The following AFAP1L1 variants were observed in gnomAD, a reference collection of about 807,000 sequenced individuals.
The protein encoded by AFAP1L1 is actin filament-associated protein 1-like 1.
AFAP1L1 carries 77 observed loss-of-function variants against 99.8 expected under a neutral mutation model. The ratio of observed to expected loss-of-function variants is 0.77; its 90% CI spans 0.64 to 0.93. AFAP1L1 has a LOEUF of 0.93. Among genes scored for constraint, AFAP1L1 ranks in the 40% least tolerant of loss-of-function variants. AFAP1L1 has a pLI of 0.00. For missense variants in AFAP1L1, 893 were observed against 996.8 expected (o/e 0.90, Z 1.40); for synonymous variants, 373 against 395.3 (o/e 0.94, Z 0.67).
chr5:149,294,556 T>C (rs1259341879), intron 1 of AFAP1L1, among the ~76,000 whole-genome samples: 1 of 152,224 alleles, frequency 6.6e-6, no homozygotes, highest in African/African-American at 2.4e-5. Context: ...GGGTTTTCTC[T>C]GGGATGAGAT....
intron 11 of AFAP1L1, among the ~76,000 whole-genome samples, chr5:149,317,340 TGG>T (rs1561678622): frequency 6.6e-6 from 1 of 152,224 alleles, no homozygotes; most frequent in African/African-American, 2.4e-5. Flanking sequence ...TAAGATTATG[TGG>T]GTGAGACATT....
chr5:149,304,798 C>T (rs1460189970), intron 5 of AFAP1L1, among the ~76,000 whole-genome samples: 1 of 152,182 alleles, frequency 6.6e-6, no homozygotes, highest in Non-Finnish European at 1.5e-5. Context: ...AGGCGGGCTC[C>T]GAGCCTCACT....
intron 14 of AFAP1L1, among the ~76,000 whole-genome samples, chr5:149,321,033 A>C (rs1219925916): frequency 6.6e-6 from 1 of 152,246 alleles, no homozygotes; most frequent in African/African-American, 2.4e-5. Flanking sequence ...GGAGAGCCAC[A>C]TTCCAATCAG....
intron 9 of AFAP1L1, among the ~76,000 whole-genome samples, chr5:149,314,320 T>C (rs1481094706): frequency 6.6e-6 from 1 of 152,168 alleles, no homozygotes; most frequent in Non-Finnish European, 1.5e-5. Context: ...CAGCACATGC[T>C]GAGGTGCAGT....
intron 1 of AFAP1L1, among the ~76,000 whole-genome samples, chr5:149,298,464 A>G (rs571808086): frequency 1.3e-5 from 2 of 152,338 alleles, no homozygotes; most frequent in Non-Finnish European, 1.5e-5. Context: ...TGGAGAAGGT[A>G]TTTAACCTCC....
Position 149,307,402 on chromosome 5 carries a change from A to G in AFAP1L1, c.536A>G (p.Tyr179Cys). 1.9e-6 allele frequency: 3 copies of G among 1,614,128 alleles called. No homozygotes were observed. Among genetic ancestry groups the G allele is most frequent in the Non-Finnish European group, 2.5e-6 (3 of 1,180,018 alleles). The part of the protein sequence containing the change: ...TRVNGELKSS[Y>C]NDSDAMSSSY... ...GGATCCTTTCCCGTGACGCCTGCAG[A>G]TAATGACTCTGACGCAATGAGCAGC... is the stretch of plus-strand genomic sequence containing the variant. The change falls in exon 7 of 19, where the codon TAT (tyrosine) becomes TGT (cysteine). Residue 179 changes from tyrosine to cysteine, a missense_variant and splice_region_variant. By Grantham distance (194) the Tyr-to-Cys change is radical (BLOSUM62 -2). Transcript: ENST00000296721.
chr5:149,301,247 G>T lies in AFAP1L1; in HGVS notation c.327+17G>T. 2 of 1,612,154 alleles carry T rather than the reference G, an allele frequency of 1.2e-6. No individual in the cohort carries two copies. Among genetic ancestry groups the T allele is most frequent in the Non-Finnish European group, 1.7e-6 (2 of 1,178,632 alleles). ...CTGAGAAACGTGAGTCATGGCCTGG[G>T]TTCCCACACCTCAGGGCCTCTGTCC... is the stretch of plus-strand genomic sequence containing the variant. On this transcript the variant is annotated intron_variant, in intron 4 of 18. Transcript: ENST00000296721.
intron 6 of AFAP1L1, among the ~76,000 whole-genome samples, chr5:149,306,835 C>T (rs1044679378): frequency 5.9e-5 from 9 of 152,012 alleles, no homozygotes; most frequent in Non-Finnish European, 1.0e-4. Context: ...TTCAAATAGC[C>T]GGCTGAAGTG....
At chr5:149,302,335 G>A (rs1756249551) in intron 4 of AFAP1L1, 83 bp from the exon 5 acceptor site, 1 of 948,314 alleles carries the variant, frequency 1.1e-6, no homozygotes, top group African/African-American at 1.7e-5. Context: ...CCTGCCTTCT[G>A]CGAGCTCCTG....
chr5:149,301,755 A>C (rs1047409266), intron 4 of AFAP1L1, among the ~76,000 whole-genome samples: 1 of 152,216 alleles, frequency 6.6e-6, no homozygotes, highest in African/African-American at 2.4e-5. Context: ...AATTAGAGCA[A>C]GGGGCTCATA....
In AFAP1L1 at chr5:149,312,207, A is replaced by G. The variant is rs377592650; in HGVS notation, c.1020+3A>G. The G allele has an allele frequency of 8.1e-5, 131 of 1,613,840 alleles. No homozygotes were observed. The highest frequency in any genetic ancestry group is 1.1e-4 in the Non-Finnish European group (126 of 1,179,838). ...TGTGCAAGTTGGACCTGGACAAGGT[A>G]TATCTGTCTCCACTAAGTCTTCCCC... On this transcript the variant is annotated splice_donor_region_variant and intron_variant, in intron 9 of 18. Coordinates refer to ENST00000296721, the MANE Select transcript of AFAP1L1 (RefSeq NM_152406.4).
At chr5:149,316,771 C>T (rs946353381) in intron 11 of AFAP1L1, among the ~76,000 whole-genome samples, 1 of 152,170 alleles carries the variant, frequency 6.6e-6, no homozygotes, top group African/African-American at 2.4e-5. Context: ...CATTATTTTG[C>T]TCATGTAAAT....
intron 9 of AFAP1L1, 59 bp from the exon 10 acceptor site, chr5:149,315,762 G>T (rs1475768403): frequency 6.8e-7 from 1 of 1,475,414 alleles, no homozygotes; most frequent in African/African-American, 1.4e-5. Context: ...CCAATAAAGG[G>T]AAATTTGGGT....
chr5:149,296,837 G>T (rs1756033912), intron 1 of AFAP1L1, among the ~76,000 whole-genome samples: 1 of 152,134 alleles, frequency 6.6e-6, no homozygotes, highest in African/African-American at 2.4e-5. Flanking sequence ...CATCATGGCT[G>T]GGGAGGCCTC....
intron 16 of AFAP1L1, 132 bp downstream of exon 16, chr5:149,329,962 T>TCTC (rs544510209): frequency 4.4e-6 from 3 of 680,912 alleles, no homozygotes; most frequent in Non-Finnish European, 6.9e-6. Flanking sequence ...CCCTCCTCCT[T>TCTC]CTCCTCCTCC....
intron 14 of AFAP1L1, 105 bp from the exon 15 acceptor site, chr5:149,322,501 A>C: frequency 1.4e-6 from 1 of 719,620 alleles, no homozygotes; most frequent in Non-Finnish European, 2.2e-6. Flanking sequence ...TAAGACCAAG[A>C]TCTCAGAGCA....
At chr5:149,329,479 G>A (rs1352437431) in intron 15 of AFAP1L1, among the ~76,000 whole-genome samples, 187 bp from the exon 16 acceptor site, 2 of 152,206 alleles carry the variant, frequency 1.3e-5, no homozygotes, top group Non-Finnish European at 2.9e-5. Flanking sequence ...TAGTCCGTGT[G>A]CCCTGTGGCC....
chr5:149,333,506 T>C (rs1249825863), intron 17 of AFAP1L1, among the ~76,000 whole-genome samples: 1 of 152,174 alleles, frequency 6.6e-6, no homozygotes, highest in Non-Finnish European at 1.5e-5. Flanking sequence ...CTGCATCCAT[T>C]ATCTCTAATT....
chr5:149,336,250 A>G (rs956788741), intron 18 of AFAP1L1, among the ~76,000 whole-genome samples: 4 of 152,222 alleles, frequency 2.6e-5, no homozygotes, highest in Non-Finnish European at 4.4e-5. Flanking sequence ...GGTACCATGT[A>G]AGCAAACATG....
Sources: gnomAD v4.1 joint callset for allele counts (sites outside exome capture counted in the v4.1 genomes callset) on GRCh38, gnomAD v4.1.1 for gene constraint, MANE v1.5 for transcripts, NCBI Gene and HGNC (gene_info 2026-07-23, HGNC 2026-07-21) for gene names.